GRM7: variants seen among roughly 807,000 people sequenced by gnomAD.
The protein encoded by GRM7 is glutamate metabotropic receptor 7.
Under a neutral mutation model 84.5 loss-of-function variants are expected in GRM7, and 35 were observed. That is an observed-to-expected ratio of 0.41 (90% confidence interval 0.32 to 0.55). GRM7 has a LOEUF of 0.55. GRM7 is among the 20% of genes least tolerant of loss of function. GRM7 has a pLI of 0.19. For missense variants in GRM7, 1,003 were observed against 1,194.6 expected, an observed-to-expected ratio of 0.84 and a Z score of 2.36; for synonymous variants, 487 against 455.1, an observed-to-expected ratio of 1.07 and a Z score of -0.89.
At chr3:7,107,610 T>C (rs1011468443) in intron 1 of GRM7, among the ~76,000 whole-genome samples, 2 of 151,956 alleles carry the variant, frequency 1.3e-5, no homozygotes, top group Non-Finnish European at 2.9e-5. Context: ...GTAGAGCAAG[T>C]GGTTTTGAGG....
chr3:7,261,015 A>AG (rs1698400979), intron 2 of GRM7, among the ~76,000 whole-genome samples: 1 of 152,142 alleles, frequency 6.6e-6, no homozygotes, highest in Non-Finnish European at 1.5e-5. Context: ...AATATCTGCT[A>AG]GGGGGGTGCC....
At chr3:7,667,358 C>T (rs1699746020) in intron 8 of GRM7, among the ~76,000 whole-genome samples, 1 of 151,800 alleles carries the variant, frequency 6.6e-6, no homozygotes, top group African/African-American at 2.4e-5. Flanking sequence ...CTTCTGCAGG[C>T]ACTCGGATGG....
At chr3:7,315,966 G>C (rs1700567076) in intron 4 of GRM7, among the ~76,000 whole-genome samples, 1 of 152,132 alleles carries the variant, frequency 6.6e-6, no homozygotes, top group South Asian at 2.1e-4. Context: ...GAAATCATCA[G>C]TGGTCAGGGG....
At chr3:6,865,128 T>A (rs1241885408) in intron 1 of GRM7, among the ~76,000 whole-genome samples, 1 of 152,218 alleles carries the variant, frequency 6.6e-6, no homozygotes, top group Non-Finnish European at 1.5e-5. Flanking sequence ...GCAATGCATT[T>A]TCAGCCTCAA....
intron 2 of GRM7, among the ~76,000 whole-genome samples, chr3:7,237,208 T>C (rs1575066403): frequency 6.6e-6 from 1 of 152,322 alleles, no homozygotes; most frequent in South Asian, 2.1e-4. Flanking sequence ...CTATATTCTT[T>C]ACCTTTTTCC....
intron 4 of GRM7, among the ~76,000 whole-genome samples, chr3:7,340,019 G>A (rs1359005401): frequency 3.9e-5 from 6 of 152,060 alleles, no homozygotes; most frequent in African/African-American, 7.2e-5. Context: ...AATATTCAGA[G>A]TATAGTAATA....
At chr3:7,555,257 A>G (rs574031429) in intron 7 of GRM7, among the ~76,000 whole-genome samples, 2 of 152,328 alleles carry the variant, frequency 1.3e-5, no homozygotes, top group African/African-American at 4.8e-5. Flanking sequence ...CACTAGTAAT[A>G]ATAAGGTGGG....
At chr3:7,412,400 C>T (rs932958567) in intron 4 of GRM7, among the ~76,000 whole-genome samples, 2 of 152,206 alleles carry the variant, frequency 1.3e-5, no homozygotes, top group African/African-American at 4.8e-5. Context: ...CTGACCCCCT[C>T]TTGACATTCT....
chr3:7,627,550 A>C (rs1697670020), intron 8 of GRM7, among the ~76,000 whole-genome samples: 1 of 152,222 alleles, frequency 6.6e-6, no homozygotes, highest in Admixed American at 6.5e-5. Context: ...ACTCTCAACT[A>C]GCCAGAGTTG....
chr3:6,891,523 T>C (rs559388741), intron 1 of GRM7, among the ~76,000 whole-genome samples: 1 of 152,316 alleles, frequency 6.6e-6, no homozygotes, highest in Non-Finnish European at 1.5e-5. Context: ...AAAATCTGGG[T>C]TGAAAATTCT....
intron 2 of GRM7, among the ~76,000 whole-genome samples, chr3:7,290,079 C>T (rs1051666658): frequency 1.3e-5 from 2 of 151,790 alleles, no homozygotes; most frequent in Admixed American, 6.6e-5. Context: ...ATTTCTATAT[C>T]CCCCTCACAG....
intron 9 of GRM7, among the ~76,000 whole-genome samples, chr3:7,715,083 TA>T (rs909141125): frequency 6.6e-6 from 1 of 152,186 alleles, no homozygotes; most frequent in African/African-American, 2.4e-5. Flanking sequence ...CTTTCAGCTT[TA>T]GTAAGGATTG....
At chr3:7,397,671 A>C (rs1165149837) in intron 4 of GRM7, among the ~76,000 whole-genome samples, 1 of 152,146 alleles carries the variant, frequency 6.6e-6, no homozygotes, top group African/African-American at 2.4e-5. Flanking sequence ...TACCCCATAA[A>C]TATATTCAAC....
chr3:7,544,528 C>G (rs1383456743), intron 7 of GRM7, among the ~76,000 whole-genome samples: 1 of 152,128 alleles, frequency 6.6e-6, no homozygotes, highest in Non-Finnish European at 1.5e-5. Context: ...CTGGGTAGTT[C>G]CCAGCCTGGC....
chr3:7,117,283 C>G (rs961929623), intron 1 of GRM7, among the ~76,000 whole-genome samples: 3 of 152,154 alleles, frequency 2.0e-5, no homozygotes, highest in African/African-American at 7.2e-5. Flanking sequence ...ATTCAAGATA[C>G]CCAATCTTTT....
chr3:7,247,190 A>G (rs757714981), intron 2 of GRM7, among the ~76,000 whole-genome samples: 9 of 152,162 alleles, frequency 5.9e-5, no homozygotes, highest in Non-Finnish European at 1.2e-4. Flanking sequence ...TAAACCTATG[A>G]AGTTTTAGGA....
At chr3:6,957,874 C>T (rs556073048) in intron 1 of GRM7, among the ~76,000 whole-genome samples, 1 of 152,294 alleles carries the variant, frequency 6.6e-6, no homozygotes, top group African/African-American at 2.4e-5. Flanking sequence ...ATTCCACTAA[C>T]TCTAAAAGAC....
At chr3:7,596,079 G>C (rs138611581) in intron 8 of GRM7, among the ~76,000 whole-genome samples, 13 of 152,332 alleles carry the variant, frequency 8.5e-5, no homozygotes, top group African/African-American at 2.9e-4. Flanking sequence ...GCCTGGGCTG[G>C]AGGAATGAGT....
chr3:7,654,164 C>T (rs1008776543), intron 8 of GRM7, among the ~76,000 whole-genome samples: 3 of 152,148 alleles, frequency 2.0e-5, no homozygotes, highest in African/African-American at 7.2e-5. Flanking sequence ...ATGGCAAGCC[C>T]CTTCAAAACA....
Sources: allele counts gnomAD v4.1 joint callset (sites outside exome capture counted in the v4.1 genomes callset), GRCh38; gene constraint gnomAD v4.1.1; transcripts MANE v1.5; gene names NCBI Gene and HGNC (gene_info 2026-07-23, HGNC 2026-07-21).